Variants in RARB observed in about 807,000 individuals in gnomAD.
The protein encoded by RARB is retinoic acid receptor beta, also known as HBV-activated protein.
RARB carries 17 observed loss-of-function variants against 51.9 expected under a neutral mutation model. That is an observed-to-expected ratio of 0.33 (90% CI 0.22 to 0.49). The LOEUF (loss-of-function observed/expected upper bound fraction) is 0.49, where lower values mean the gene tolerates loss of function less well. RARB is among the 20% of genes least tolerant of loss of function. The pLI is 0.99. For missense variants in RARB, 369 were observed against 550.8 expected (o/e 0.67, Z 3.30); for synonymous variants, 215 against 195.4 (o/e 1.10, Z -0.84).
At chr3:25,264,114 T>G (rs1436781738) in intron 5 of RARB, among the ~76,000 whole-genome samples, 60 of 149,564 alleles carry the variant, frequency 4.0e-4, no homozygotes, top group African/African-American at 1.2e-3. Context: ...ATTGTTGATT[T>G]TTTTTTTTAA....
intron 4 of RARB, among the ~76,000 whole-genome samples, chr3:25,573,281 AAG>A (rs959510212): frequency 6.6e-6 from 1 of 152,126 alleles, no homozygotes; most frequent in African/African-American, 2.4e-5. Flanking sequence ...CTTCTGGCCT[AAG>A]AGAGAGAGGC....
intron 2 of RARB, among the ~76,000 whole-genome samples, chr3:25,028,915 C>G (rs1252443115): frequency 6.6e-6 from 1 of 152,180 alleles, no homozygotes; most frequent in African/African-American, 2.4e-5. Context: ...TAACCTCCAA[C>G]TCCACCCCAC....
At chr3:25,470,124 G>A (rs1695614844) in intron 2 of RARB, among the ~76,000 whole-genome samples, 1 of 152,120 alleles carries the variant, frequency 6.6e-6, no homozygotes, top group South Asian at 2.1e-4. Context: ...TTTCACAGCT[G>A]GGTCTCCATA....
intron 2 of RARB, among the ~76,000 whole-genome samples, chr3:24,950,187 T>C (rs1695858886): frequency 6.6e-6 from 1 of 152,250 alleles, no homozygotes; most frequent in Non-Finnish European, 1.5e-5. Flanking sequence ...TCGGAATTAA[T>C]AGAGCCTCTT....
intron 1 of RARB, among the ~76,000 whole-genome samples, chr3:25,460,170 C>A (rs574469595): frequency 1.3e-5 from 2 of 152,154 alleles, no homozygotes; most frequent in Admixed American, 6.5e-5. Context: ...TACATTTAGT[C>A]ATCTGGGGAT....
chr3:25,006,487 A>C (rs750114549), intron 2 of RARB, among the ~76,000 whole-genome samples: 13 of 152,202 alleles, frequency 8.5e-5, no homozygotes, highest in Non-Finnish European at 1.8e-4. Flanking sequence ...AAATATTTAA[A>C]GTACTTTTTT....
chr3:25,415,572 C>A (rs191785135), intron 5 of RARB, among the ~76,000 whole-genome samples: 140 of 152,218 alleles, frequency 9.2e-4, no homozygotes, highest in African/African-American at 3.2e-3. Context: ...TTTTCCTGGT[C>A]TTAATGTAGG....
At chr3:24,913,342 C>T (rs933812462) in intron 2 of RARB, among the ~76,000 whole-genome samples, 1 of 150,132 alleles carries the variant, frequency 6.7e-6, no homozygotes, top group Non-Finnish European at 1.5e-5. Flanking sequence ...AATTTACAGA[C>T]AATTGTAGAG....
chr3:25,322,171 A>G (rs1201638368), intron 5 of RARB, among the ~76,000 whole-genome samples: 1 of 137,366 alleles, frequency 7.3e-6, no homozygotes, highest in East Asian at 2.5e-4. Flanking sequence ...TGAGGTGGGC[A>G]TTGAAATGAG....
At chr3:24,954,330 T>C (rs1207449768) in intron 2 of RARB, among the ~76,000 whole-genome samples, 2 of 152,146 alleles carry the variant, frequency 1.3e-5, no homozygotes, top group African/African-American at 4.8e-5. Context: ...CTTTGTAGAA[T>C]TAGTGGGTAA....
chr3:24,933,810 A>G (rs1237675478), intron 2 of RARB, among the ~76,000 whole-genome samples: 2 of 152,116 alleles, frequency 1.3e-5, no homozygotes, highest in East Asian at 3.9e-4. Context: ...TTTGTTTTGT[A>G]GTGTGTAAGA....
chr3:25,110,327 T>C (rs190917125), intron 3 of RARB, among the ~76,000 whole-genome samples: 10 of 152,340 alleles, frequency 6.6e-5, no homozygotes, highest in Admixed American at 6.5e-4. Flanking sequence ...AGGGCATGCA[T>C]ATGTGTTATC....
intron 2 of RARB, among the ~76,000 whole-genome samples, chr3:25,003,126 C>T (rs769627181): frequency 1.3e-5 from 2 of 150,746 alleles, no homozygotes; most frequent in Non-Finnish European, 2.9e-5. Flanking sequence ...ATAGCCTTTG[C>T]TTCGCTTTGC....
intron 5 of RARB, among the ~76,000 whole-genome samples, chr3:25,261,821 A>G (rs1323105343): frequency 6.6e-6 from 1 of 152,062 alleles, no homozygotes; most frequent in Non-Finnish European, 1.5e-5. Flanking sequence ...AGCCATCACT[A>G]ATGCCTGCTT....
chr3:25,439,212 CAA>C (rs1409233119), intron 1 of RARB, among the ~76,000 whole-genome samples: 9 of 152,090 alleles, frequency 5.9e-5, no homozygotes, highest in African/African-American at 2.2e-4. Context: ...AAGTAAAAGA[CAA>C]AGAGGAAGAA....
intron 6 of RARB, among the ~76,000 whole-genome samples, chr3:25,594,224 C>T (rs915012089): frequency 2.0e-5 from 3 of 152,134 alleles, no homozygotes; most frequent in Admixed American, 6.5e-5. Flanking sequence ...AAATAACCAT[C>T]CTGCTCAAGA....
At chr3:25,219,807 A>G (rs1701907094) in intron 5 of RARB, among the ~76,000 whole-genome samples, 1 of 152,212 alleles carries the variant, frequency 6.6e-6, no homozygotes, top group Non-Finnish European at 1.5e-5. Context: ...AGGCTCCTAC[A>G]CACTCACCTT....
chr3:24,908,106 A>G (rs1174313419), intron 2 of RARB, among the ~76,000 whole-genome samples: 1 of 152,252 alleles, frequency 6.6e-6, no homozygotes, highest in Non-Finnish European at 1.5e-5. Context: ...TGTACCAAGC[A>G]TTATATCTGT....
At chr3:25,391,436 AT>A (rs1192288227) in intron 5 of RARB, among the ~76,000 whole-genome samples, 4 of 152,246 alleles carry the variant, frequency 2.6e-5, no homozygotes, top group African/African-American at 7.2e-5. Context: ...GCATCAAATA[AT>A]AGATCTACTT....
Sources: gnomAD v4.1 joint callset for allele counts (sites outside exome capture counted in the v4.1 genomes callset) on GRCh38, gnomAD v4.1.1 for gene constraint, MANE v1.5 for transcripts, NCBI Gene and HGNC (gene_info 2026-07-23, HGNC 2026-07-21) for gene names.